The following CPS1 variants were observed in gnomAD, a reference collection of about 807,000 sequenced individuals.
CPS1 encodes carbamoyl-phosphate synthase 1, also known as carbamoyl-phosphate synthase [ammonia], mitochondrial.
In CPS1, 109 loss-of-function variants were observed where a neutral mutation model predicts 174.6. That is an observed-to-expected ratio of 0.62 (90% CI 0.53 to 0.73). The LOEUF (loss-of-function observed/expected upper bound fraction) is 0.73, where lower values mean the gene tolerates loss of function less well. CPS1 is among the 30% of genes least tolerant of loss of function. The pLI, the probability that CPS1 is intolerant of heterozygous loss-of-function variation, is 0.00. For synonymous variants in CPS1, 637 were observed against 632.0 expected (o/e 1.01, Z -0.12); for missense variants, 1,689 against 1,821.9 (o/e 0.93, Z 1.33).
Position 210,600,717 on chromosome 2 carries a change from G to T in CPS1, c.1707+5G>T, listed in dbSNP as rs755408242. On this transcript the variant is annotated splice_donor_5th_base_variant and intron_variant, in intron 15 of 37. Transcript: ENST00000233072. ...CCAAGTTTTGCAGTGGAATCGGTAA[G>T]GATTCTTTGCTTTGGAAAAACAAGG... The T allele has an allele frequency of 1.2e-6, 2 of 1,611,470 alleles. No individual in the cohort carries two copies. Among genetic ancestry groups the T allele is most frequent in the Non-Finnish European group, 1.7e-6 (2 of 1,178,400 alleles).
chr2:210,632,654 T>G (rs1156862701), intron 21 of CPS1, among the ~76,000 whole-genome samples: 1 of 152,208 alleles, frequency 6.6e-6, no homozygotes, highest in Non-Finnish European at 1.5e-5. Context: ...AACTTGCCTG[T>G]GCCTCTCTAA....
At chr2:210,547,160 T>C (rs1696586196) in intron 1 of CPS1, among the ~76,000 whole-genome samples, 1 of 152,120 alleles carries the variant, frequency 6.6e-6, no homozygotes, top group South Asian at 2.1e-4. Context: ...GGTCTGAAAA[T>C]AGAAGTTAAA....
At chr2:210,604,677 C>A (rs954093132) in intron 16 of CPS1, among the ~76,000 whole-genome samples, 5 of 151,920 alleles carry the variant, frequency 3.3e-5, no homozygotes, top group African/African-American at 1.2e-4. Flanking sequence ...TTGTGTGTGT[C>A]ACTGTACAAA....
chr2:210,657,755 G>C (rs1700765711), intron 30 of CPS1: 1 of 152,290 alleles, frequency 6.6e-6, no homozygotes, highest in Middle Eastern at 3.4e-3. Context: ...TTGTACATTG[G>C]GCTGGATTCT....
chr2:210,488,876 T>TA lies in CPS1; in HGVS notation c.3+11120dup, dbSNP rs539509753. Among the ~76,000 whole-genome samples the TA allele has an allele frequency of 1.7e-3, 262 of 150,068 alleles. 1 individual carries two copies. Among genetic ancestry groups the TA allele is most frequent in the African/African-American group, 5.3e-3 (216 of 40,986 alleles). On this transcript the variant is annotated intron_variant, in intron 1 of 38. Coordinates refer to the CPS1 transcript ENST00000430249. Reference sequence around the variant, plus strand: ...GAGGTTAATTTTTTATATTATAAAGTAAAAAAAAAATCCTAAGTAAGTTTA... The same window carrying TA: ...GAGGTTAATTTTTTATATTATAAAGTAAAAAAAAAAATCCTAAGTAAGTTTA...
At chr2:210,656,842 T>C (rs1700723626) in intron 30 of CPS1, among the ~76,000 whole-genome samples, 1 of 152,134 alleles carries the variant, frequency 6.6e-6, no homozygotes, top group Non-Finnish European at 1.5e-5. Context: ...TTTGGTTGTA[T>C]GCGAGTACAG....
intron 21 of CPS1, among the ~76,000 whole-genome samples, chr2:210,634,779 C>A (rs1166234902): frequency 6.6e-6 from 1 of 152,184 alleles, no homozygotes; most frequent in Non-Finnish European, 1.5e-5. Flanking sequence ...AGCACGTACT[C>A]ACTAAATGTT....
At chr2:210,674,255 C>T (rs1351825022) in intron 34 of CPS1, 2 of 152,118 alleles carry the variant, frequency 1.3e-5, no homozygotes, top group South Asian at 2.1e-4. Flanking sequence ...GGGTGGATCA[C>T]CTGAGGTCGG....
intron 13 of CPS1, among the ~76,000 whole-genome samples, chr2:210,598,471 C>T (rs1252766278): frequency 6.6e-6 from 1 of 151,696 alleles, no homozygotes; most frequent in African/African-American, 2.4e-5. Flanking sequence ...ATACCCATCT[C>T]ACATGTAGTG....
Position 210,644,140 on chromosome 2 carries a change from A to C in CPS1, c.3141+1475A>C, listed in dbSNP as rs1230345113. On this transcript the variant is annotated intron_variant, in intron 25 of 37. Transcript: ENST00000233072. Reference sequence around the variant, plus strand: ...TGACTGCTTTTGGATACAATTATACATGGCTATTAATGAGATTTGTTTATT... The same window carrying C: ...TGACTGCTTTTGGATACAATTATACCTGGCTATTAATGAGATTTGTTTATT... Among the ~76,000 whole-genome samples, 3 of 152,156 alleles carry C rather than the reference A, an allele frequency of 2.0e-5. No individual in the cohort carries two copies. The East Asian group carries it at 5.8e-4, about 29-fold the overall frequency.
intron 6 of CPS1, among the ~76,000 whole-genome samples, chr2:210,584,828 T>C (rs1420435370): frequency 1.3e-5 from 2 of 152,106 alleles, no homozygotes; most frequent in Non-Finnish European, 2.9e-5. Flanking sequence ...TCTAGATTTA[T>C]GTTCCATGAA....
chr2:210,485,471 G>C (rs1355447297), intron 1 of CPS1, among the ~76,000 whole-genome samples: 2 of 151,962 alleles, frequency 1.3e-5, no homozygotes, highest in Non-Finnish European at 2.9e-5. Flanking sequence ...GACAATCACT[G>C]ATCTGCTGTC....
intron 1 of CPS1, among the ~76,000 whole-genome samples, chr2:210,551,185 G>T (rs1388692525): frequency 6.6e-6 from 1 of 151,696 alleles, no homozygotes; most frequent in Admixed American, 6.6e-5. Context: ...CTCCCTTTGG[G>T]TGCACTTTGT....
At chr2:210,643,545 C>A (rs1242103713) in intron 25 of CPS1, among the ~76,000 whole-genome samples, 1 of 152,048 alleles carries the variant, frequency 6.6e-6, no homozygotes. Flanking sequence ...CGTGCTTTAT[C>A]TTTATTTTAA....
intron 14 of CPS1, 85 bp downstream of exon 14, chr2:210,599,646 G>T: frequency 1.4e-6 from 2 of 1,449,150 alleles, no homozygotes; most frequent in Non-Finnish European, 1.9e-6. Flanking sequence ...TAACAATTGT[G>T]CTTTGTGTGT....
chr2:210,650,226 A>T (rs548547625), intron 27 of CPS1, 137 bp from the exon 28 acceptor site: 1 of 723,220 alleles, frequency 1.4e-6, no homozygotes, highest in African/African-American at 1.8e-5. Flanking sequence ...TAAATGGAGA[A>T]AAGTCTCAAT....
intron 2 of CPS1, among the ~76,000 whole-genome samples, chr2:210,575,618 G>A (rs1697672326): frequency 6.6e-6 from 1 of 151,528 alleles, no homozygotes; most frequent in Non-Finnish European, 1.5e-5. Flanking sequence ...TTCCATATCA[G>A]TACTTTAAAA....
chr2:210,622,552 G>C lies in CPS1; in HGVS notation c.2687+6011G>C, dbSNP rs73984653. Among the ~76,000 whole-genome samples, 997 of 151,780 alleles carry C rather than the reference G, an allele frequency of 6.6e-3. 11 individuals are homozygous for C. The highest frequency in any genetic ancestry group is 0.023 in the African/African-American group (959 of 41,432). On this transcript the variant is annotated intron_variant, in intron 21 of 37. Coordinates refer to ENST00000233072, the MANE Select transcript of CPS1 (RefSeq NM_001875.5). ...TGATAGTCCTATCATGGTAGAATCA[G>C]CATATATAATGAAGGTTTCTACTAT... is the stretch of plus-strand genomic sequence containing the variant.
At chr2:210,674,860 C>T (rs1448496593) in intron 34 of CPS1, 42 bp from the exon 35 acceptor site, 3 of 1,452,880 alleles carry the variant, frequency 2.1e-6, no homozygotes, top group Middle Eastern at 3.5e-4. Context: ...AAATGAAGAG[C>T]ATGTATATCT....
Sources: allele counts gnomAD v4.1 joint callset (sites outside exome capture counted in the v4.1 genomes callset), GRCh38; gene constraint gnomAD v4.1.1; transcripts MANE v1.5; gene names NCBI Gene and HGNC (gene_info 2026-07-23, HGNC 2026-07-21).